Variants in GP6 observed in about 807,000 individuals in gnomAD.
The protein encoded by GP6 is glycoprotein VI platelet.
A neutral mutation model predicts 37.3 loss-of-function variants in GP6; 45 were observed. The ratio of observed to expected loss-of-function variants is 1.21; its 90% CI spans 0.95 to 1.55. GP6 has a LOEUF of 1.55. GP6 is among the 40% of genes most tolerant of loss of function. The pLI, the probability that GP6 is intolerant of heterozygous loss-of-function variation, is 0.00. For synonymous variants in GP6, 340 were observed against 316.4 expected (o/e 1.07, Z -0.79); for missense variants, 813 against 760.2 (o/e 1.07, Z -0.82).
At chr19:55,035,170 C>CT (rs1334829352) in intron 1 of GP6, among the ~76,000 whole-genome samples, 2 of 152,152 alleles carry the variant, frequency 1.3e-5, no homozygotes, top group Non-Finnish European at 2.9e-5. Flanking sequence ...ATCCACAGTC[C>CT]TACAGCTGGC....
At chr19:55,036,122 G>A (rs4806634) in intron 1 of GP6, among the ~76,000 whole-genome samples, 4,350 of 151,486 alleles carry the variant, frequency 0.029, 113 homozygotes, top group South Asian at 0.089. Context: ...GGAGCTGGAA[G>A]GCATTATTCT....
At chr19:55,034,292 C>T (rs1381579137) in intron 1 of GP6, among the ~76,000 whole-genome samples, 1 of 152,006 alleles carries the variant, frequency 6.6e-6, no homozygotes. Flanking sequence ...CACGGTGGCT[C>T]ATGCCTATAA....
chr19:55,030,173 C>G (rs2146853408), intron 3 of GP6, among the ~76,000 whole-genome samples: 1 of 143,620 alleles, frequency 7.0e-6, no homozygotes, highest in African/African-American at 2.5e-5. Context: ...GTGCTATTTC[C>G]AAAACCTACT....
intron 5 of GP6, among the ~76,000 whole-genome samples, chr19:55,020,205 CT>C (rs71181725): frequency 0.011 from 1,255 of 111,480 alleles, 18 homozygotes; most frequent in African/African-American, 0.042. Context: ...ATTAATAAAC[CT>C]TTTTTTTTTT....
intron 3 of GP6, among the ~76,000 whole-genome samples, chr19:55,028,863 G>T (rs1048768956): frequency 6.6e-6 from 1 of 151,942 alleles, no homozygotes; most frequent in Non-Finnish European, 1.5e-5. Flanking sequence ...GGCTGGGTGC[G>T]GCGGCTCACA....
chr19:55,029,348 A>T (rs1268818422), intron 3 of GP6, among the ~76,000 whole-genome samples: 6 of 2,758 alleles, frequency 2.2e-3, no homozygotes, highest in Admixed American at 0.012. Flanking sequence ...ATATATATAT[A>T]TATATATATA....
At chr19:55,023,934 G>A (rs1055528477) in intron 5 of GP6, among the ~76,000 whole-genome samples, 1 of 136,712 alleles carries the variant, frequency 7.3e-6, no homozygotes, top group Non-Finnish European at 1.6e-5. Context: ...AGTTAGGGAT[G>A]GCAAGGGAAG....
chr19:55,024,682 T>A (rs1161763612), intron 5 of GP6, among the ~76,000 whole-genome samples: 1 of 152,160 alleles, frequency 6.6e-6, no homozygotes, highest in Non-Finnish European at 1.5e-5. Flanking sequence ...TCTGGAGCCA[T>A]AGCATCAGCA....
At chr19:55,026,137 C>G (rs963460765) in intron 4 of GP6, among the ~76,000 whole-genome samples, 1 of 152,140 alleles carries the variant, frequency 6.6e-6, no homozygotes, top group Non-Finnish European at 1.5e-5. Flanking sequence ...TTCCTGTGTC[C>G]TACCCCTCAC....
At chr19:55,024,093 G>C (rs1181890638) in intron 5 of GP6, among the ~76,000 whole-genome samples, 1 of 152,218 alleles carries the variant, frequency 6.6e-6, no homozygotes, top group Non-Finnish European at 1.5e-5. Flanking sequence ...TTATGCCAAT[G>C]TCAAATTCCT....
chr19:55,032,735 G>A, intron 1 of GP6, 197 bp from the exon 2 acceptor site: 1 of 674,562 alleles, frequency 1.5e-6, no homozygotes, highest in Non-Finnish European at 2.7e-6. Context: ...TCATTTACAT[G>A]AAATATCCAG....
In GP6 at chr19:55,030,404, G is replaced by A. The variant is rs533688562; in HGVS notation, c.325+1735C>T. Among the ~76,000 whole-genome samples, 11 of 151,936 alleles carry A rather than the reference G, an allele frequency of 7.2e-5. No homozygotes were observed. The East Asian group carries it at 1.7e-3, about 24-fold the overall frequency. The stretch of plus-strand genomic sequence containing the variant: ...GCTCTGTCGCCCAGGCTGGACTGCA[G>A]TGGTGCAATCTCGGCTCACCGCCTC... On this transcript the variant is annotated intron_variant, in intron 3 of 7. Transcript: ENST00000310373.
At chr19:55,015,444 G>A (rs1035255009) in intron 7 of GP6, among the ~76,000 whole-genome samples, 1 of 152,156 alleles carries the variant, frequency 6.6e-6, no homozygotes. Flanking sequence ...CAAAAGAGAG[G>A]ACAGTTATAA....
At position 55,031,750 on chromosome 19, in the gene GP6, C is replaced by T. The variant is rs373810690; in HGVS notation, c.325+389G>A. Among the ~76,000 whole-genome samples the T allele has an allele frequency of 1.3e-4, 20 of 151,868 alleles. 1 individual carries two copies. The highest frequency in any genetic ancestry group is 7.7e-4 in the East Asian group (4 of 5,180). On this transcript the variant is annotated intron_variant, in intron 3 of 7. Coordinates refer to ENST00000310373, the MANE Select transcript of GP6 (RefSeq NM_001083899.2). ...CCTGAGCAACATAGCGAGACCCTAT[C>T]TCTCTCTCTTTTGTATTTTAATGCC...
chr19:55,024,257 C>CACACATGCACGCAT (rs1568611964), intron 5 of GP6, among the ~76,000 whole-genome samples: 2 of 151,310 alleles, frequency 1.3e-5, no homozygotes, highest in Non-Finnish European at 2.9e-5. Flanking sequence ...CAGAAGCACA[C>CACACATGCACGCAT]GCACACATAT....
In GP6 at chr19:55,026,633, G is replaced by A. The variant is rs8105357; in HGVS notation, c.610+945C>T. On this transcript the variant is annotated intron_variant, in intron 4 of 7. Coordinates refer to ENST00000310373, the MANE Select transcript of GP6 (RefSeq NM_001083899.2). ...AAGTCCGACGCGGTGGCTCACGCCTGTAATCCCAGCACTTTGGGAGGCCGA... is the reference window on the plus strand; with the variant it reads ...AAGTCCGACGCGGTGGCTCACGCCTATAATCCCAGCACTTTGGGAGGCCGA... Among the ~76,000 whole-genome samples the A allele has an allele frequency of 1.7e-3, 256 of 152,272 alleles. 2 individuals carry two copies. Among genetic ancestry groups the A allele is most frequent in the African/African-American group, 5.7e-3 (236 of 41,558 alleles).
At chr19:55,015,217 C>A in intron 7 of GP6, 52 bp from the exon 8 acceptor site, 1 of 1,549,934 alleles carries the variant, frequency 6.5e-7, no homozygotes, top group Non-Finnish European at 8.7e-7. Context: ...CCTCCAGGAC[C>A]CCCTCCAAGC....
chr19:55,030,135 C>T (rs1409060661), intron 3 of GP6, among the ~76,000 whole-genome samples: 3 of 152,126 alleles, frequency 2.0e-5, no homozygotes, highest in East Asian at 1.9e-4. Context: ...ATTTTACATT[C>T]TAGGCTTTTG....
At chr19:55,024,327 T>TGCACGCATGCACACACACAC (rs1568613211) in intron 5 of GP6, among the ~76,000 whole-genome samples, 53 of 30,190 alleles carry the variant, frequency 1.8e-3, no homozygotes, top group Non-Finnish European at 4.5e-3. Flanking sequence ...CACACACACA[T>TGCACGCATGCACACACACAC]ATGCACGCAC....
Sources: gnomAD v4.1 joint callset for allele counts (sites outside exome capture counted in the v4.1 genomes callset) on GRCh38, gnomAD v4.1.1 for gene constraint, MANE v1.5 for transcripts, NCBI Gene and HGNC (gene_info 2026-07-23, HGNC 2026-07-21) for gene names.